The following ZNRF3 variants were observed in gnomAD, a reference collection of about 807,000 sequenced individuals.
ZNRF3 encodes the protein E3 ubiquitin-protein ligase ZNRF3.
ZNRF3 carries 23 observed loss-of-function variants against 72.5 expected under a neutral mutation model. The observed-to-expected ratio is 0.32, with a 90% CI of 0.23 to 0.45. The LOEUF (loss-of-function observed/expected upper bound fraction) is 0.45, where lower values mean the gene tolerates loss of function less well. Ranked by LOEUF, ZNRF3 falls within the 20% of genes least tolerant of loss-of-function variation. ZNRF3 has a pLI of 1.00. For synonymous variants in ZNRF3, 610 were observed against 545.3 expected, an observed-to-expected ratio of 1.12 and a Z score of -1.65; for missense variants, 1,169 against 1,272.1, an observed-to-expected ratio of 0.92 and a Z score of 1.23.
chr22:29,021,519 G>A (rs928297365), intron 2 of ZNRF3, among the ~76,000 whole-genome samples: 4 of 148,344 alleles, frequency 2.7e-5, no homozygotes, highest in African/African-American at 5.0e-5. Flanking sequence ...ACAGAGTCTC[G>A]TTCTGTCCCC....
At chr22:28,887,233 A>AGTGT (rs1460152534) in intron 1 of ZNRF3, among the ~76,000 whole-genome samples, 5 of 72,854 alleles carry the variant, frequency 6.9e-5, no homozygotes, top group African/African-American at 3.7e-4. Flanking sequence ...AGAGAGAGAG[A>AGTGT]GAGTGTGTGT....
intron 1 of ZNRF3, among the ~76,000 whole-genome samples, chr22:28,957,560 C>G (rs12166780): frequency 3.9e-5 from 6 of 152,150 alleles, no homozygotes; most frequent in Non-Finnish European, 8.8e-5. Flanking sequence ...CTGCCCCAGC[C>G]TCCCAAGTAG....
intron 1 of ZNRF3, among the ~76,000 whole-genome samples, chr22:28,952,281 C>G (rs145907804): frequency 7.2e-5 from 11 of 152,336 alleles, no homozygotes; most frequent in African/African-American, 2.6e-4. Context: ...AGTCCCATGT[C>G]CCCCAGGAAT....
intron 1 of ZNRF3, among the ~76,000 whole-genome samples, chr22:28,935,045 C>T (rs768612447): frequency 1.3e-5 from 2 of 152,202 alleles, no homozygotes; most frequent in Non-Finnish European, 2.9e-5. Flanking sequence ...CACGATAACA[C>T]AGCCCCATCA....
chr22:28,891,406 C>T (rs1176688041), intron 1 of ZNRF3, among the ~76,000 whole-genome samples: 2 of 152,162 alleles, frequency 1.3e-5, no homozygotes, highest in Non-Finnish European at 2.9e-5. Context: ...TAAGTGGTTG[C>T]TTTTCTTCTC....
chr22:28,930,619 C>T (rs1193158553), intron 1 of ZNRF3, among the ~76,000 whole-genome samples: 6 of 152,216 alleles, frequency 3.9e-5, no homozygotes, highest in Non-Finnish European at 8.8e-5. Context: ...AGCAGGTTAT[C>T]TTGCAGGTTA....
chr22:28,987,335 G>A, intron 2 of ZNRF3, 134 bp downstream of exon 2: 1 of 1,372,862 alleles, frequency 7.3e-7, no homozygotes, highest in Non-Finnish European at 9.7e-7. Flanking sequence ...GAAGTTGCAT[G>A]AGGTGGGGAC....
intron 1 of ZNRF3, among the ~76,000 whole-genome samples, chr22:28,899,091 C>T (rs2034057596): frequency 6.6e-6 from 1 of 151,912 alleles, no homozygotes; most frequent in African/African-American, 2.4e-5. Flanking sequence ...CAGAAATGCT[C>T]TAATGCCCAT....
At chr22:28,948,636 C>T (rs1427830554) in intron 1 of ZNRF3, among the ~76,000 whole-genome samples, 3 of 152,180 alleles carry the variant, frequency 2.0e-5, no homozygotes, top group East Asian at 1.9e-4. Context: ...AAAATCTAGC[C>T]TTACACAGAT....
chr22:29,019,431 A>C (rs2036490626), intron 2 of ZNRF3, among the ~76,000 whole-genome samples: 1 of 152,204 alleles, frequency 6.6e-6, no homozygotes, highest in Non-Finnish European at 1.5e-5. Flanking sequence ...AACAACTTAA[A>C]TTCTGAAGAC....
intron 1 of ZNRF3, among the ~76,000 whole-genome samples, chr22:28,908,893 T>G (rs908846109): frequency 1.3e-5 from 2 of 151,138 alleles, no homozygotes; most frequent in Non-Finnish European, 3.0e-5. Context: ...TTGGGTGTTT[T>G]GTTTGTTTGT....
rs1569284219 is a variant in ZNRF3, at chr22:29,020,776, G to GT, written c.427-21719_427-21718insT. 1.3e-3 allele frequency among the ~76,000 whole-genome samples: 109 copies of GT among 86,148 alleles called. 1 individual carries two copies. The highest frequency in any genetic ancestry group is 0.014 in the Middle Eastern group (2 of 146). The allele number at this position is 86,148 out of a possible 152,430, so 56.5% of individuals were successfully genotyped here. ...GGGGCTTTGTTTTTGTGTGTGTGTG[G>GT]GTGTGTGTGTGTGTGTGTGTGTGTG... On this transcript the variant is annotated intron_variant, in intron 2 of 8. Coordinates refer to ENST00000544604, the MANE Select transcript of ZNRF3 (RefSeq NM_001206998.2).
intron 2 of ZNRF3, among the ~76,000 whole-genome samples, chr22:28,994,711 A>C (rs1035956297): frequency 6.6e-6 from 1 of 152,182 alleles, no homozygotes; most frequent in Non-Finnish European, 1.5e-5. Context: ...TGCACTTAAA[A>C]ATGATTACAG....
chr22:28,973,386 G>A lies in ZNRF3; in HGVS notation c.301-13690G>A, dbSNP rs570886201. Among the ~76,000 whole-genome samples, 104 of 152,232 alleles carry A rather than the reference G, an allele frequency of 6.8e-4. No individual in the cohort carries two copies. In the Middle Eastern group the frequency reaches 0.01, roughly 15 times the overall value. ...TGGTTGCCTATGCTTTTGGTATGAT[G>A]TCTATTGCCCTACTTTTTGCATGAG... On this transcript the variant is annotated intron_variant, in intron 1 of 8. Transcript: ENST00000544604.
chr22:29,021,343 G>C (rs1218848755), intron 2 of ZNRF3, among the ~76,000 whole-genome samples: 1 of 152,160 alleles, frequency 6.6e-6, no homozygotes, highest in Non-Finnish European at 1.5e-5. Context: ...TTTAAAACTG[G>C]CTTTGGAATT....
At chr22:28,885,694 ACT>A (rs2123739510) in intron 1 of ZNRF3, among the ~76,000 whole-genome samples, 1 of 151,658 alleles carries the variant, frequency 6.6e-6, no homozygotes, top group East Asian at 1.9e-4. Flanking sequence ...TTAACGTGTC[ACT>A]CTTTCTCAAC....
At chr22:29,019,803 C>T (rs539725269) in intron 2 of ZNRF3, among the ~76,000 whole-genome samples, 79 of 152,138 alleles carry the variant, frequency 5.2e-4, no homozygotes, top group Non-Finnish European at 8.5e-4. Flanking sequence ...AACTAGGGAT[C>T]AAATATTAAG....
chr22:29,016,834 G>A (rs560787734), intron 2 of ZNRF3, among the ~76,000 whole-genome samples: 29 of 152,314 alleles, frequency 1.9e-4, no homozygotes, highest in African/African-American at 5.3e-4. Context: ...GCATGCTAGG[G>A]GTTGTGCCTG....
chr22:28,953,460 G>A (rs574065941), intron 1 of ZNRF3, among the ~76,000 whole-genome samples: 2 of 152,330 alleles, frequency 1.3e-5, no homozygotes, highest in South Asian at 4.1e-4. Context: ...GGCCAACCCT[G>A]AAGTTTAGGA....
Sources: gnomAD v4.1 joint callset for allele counts (sites outside exome capture counted in the v4.1 genomes callset) on GRCh38, gnomAD v4.1.1 for gene constraint, MANE v1.5 for transcripts, NCBI Gene and HGNC (gene_info 2026-07-23, HGNC 2026-07-21) for gene names.